PHYKPL: variants seen among roughly 807,000 people sequenced by gnomAD.
The protein encoded by PHYKPL is 5-phosphohydroxy-L-lysine phospho-lyase, also known as 5-phosphonooxy-L-lysine phospho-lyase.
PHYKPL carries 42 observed loss-of-function variants against 51.3 expected under a neutral mutation model. That is an observed-to-expected ratio of 0.82 (90% CI 0.64 to 1.06). The LOEUF (loss-of-function observed/expected upper bound fraction) is 1.06. Among genes scored for constraint, PHYKPL ranks in the 50% least tolerant of loss-of-function variants. The probability of loss-of-function intolerance (pLI) is 0.00; values close to 1 mark genes in which losing one functional copy is unlikely to be tolerated. For synonymous variants in PHYKPL, 264 were observed against 236.0 expected, an observed-to-expected ratio of 1.12 and a Z score of -1.09; for missense variants, 655 against 586.6, an observed-to-expected ratio of 1.12 and a Z score of -1.20.
intron 3 of PHYKPL, 184 bp from the exon 4 acceptor site, chr5:178,225,613 A>G (rs1762135072): frequency 4.9e-6 from 3 of 612,186 alleles, no homozygotes; most frequent in Non-Finnish European, 8.8e-6. Context: ...GGGGAAAAAG[A>G]GTAGGTAAAA....
At chr5:178,207,399 C>T (rs1048672863), downstream of PHYKPL, among the ~76,000 whole-genome samples, 3 of 152,158 alleles carry the variant, frequency 2.0e-5, no homozygotes, top group Admixed American at 1.3e-4. Context: ...TGAAAGACTT[C>T]TCAGGCTGGG....
chr5:178,229,666 A>C, intron 3 of PHYKPL: 1 of 330,308 alleles, frequency 3.0e-6, no homozygotes, highest in Non-Finnish European at 5.6e-6. Flanking sequence ...TTTTGGCTGT[A>C]TCCTTAAGGC....
At chr5:178,228,378 A>G (rs1359035471) in intron 3 of PHYKPL, 2 of 603,728 alleles carry the variant, frequency 3.3e-6, no homozygotes, top group East Asian at 2.8e-5. Context: ...TACTGCTGGG[A>G]CAGAGTAAGA....
rs773099428 is a variant in PHYKPL, at chr5:178,231,478, G to A, written c.105C>T (p.Val35=). The change falls in exon 2 of 13, where the codon GTC becomes GTT. Residue 35 remains valine (V), a synonymous_variant. Coordinates refer to ENST00000308158, the MANE Select transcript of PHYKPL (RefSeq NM_153373.4). Reference sequence around the variant, plus strand: ...CGTACATGTACTGCCCTTGGGCCCGGACAATCTTAACAGGATCCTCGGGAA... The same window carrying A: ...CGTACATGTACTGCCCTTGGGCCCGAACAATCTTAACAGGATCCTCGGGAA... ...LFFPEDPVKI[V]RAQGQYMYDE... 9.9e-6 allele frequency: 16 copies of A among 1,614,070 alleles called. No homozygotes were observed. In the Admixed American group the frequency reaches 1.5e-4, roughly 15 times the overall value.
chr5:178,210,960 AC>A, intron 12 of PHYKPL: 1 of 290,988 alleles, frequency 3.4e-6, no homozygotes, highest in Non-Finnish European at 6.4e-6. Flanking sequence ...ATCTTAGGAA[AC>A]CAGTGTCACC....
At chr5:178,220,037 T>C (rs938674889) in intron 8 of PHYKPL, among the ~76,000 whole-genome samples, 2 of 149,300 alleles carry the variant, frequency 1.3e-5, no homozygotes, top group African/African-American at 2.5e-5. Flanking sequence ...GTACCAAAAA[T>C]ACAAAAAATT....
chr5:178,217,515 A>G (rs1049847178), intron 8 of PHYKPL, among the ~76,000 whole-genome samples: 4 of 150,788 alleles, frequency 2.7e-5, no homozygotes, highest in African/African-American at 9.8e-5. Flanking sequence ...GAGCCACTGC[A>G]CCTGGCAACA....
intron 8 of PHYKPL, among the ~76,000 whole-genome samples, chr5:178,221,366 C>T (rs1179999712): frequency 7.2e-5 from 11 of 152,066 alleles, no homozygotes; most frequent in Non-Finnish European, 1.6e-4. Context: ...CAGCTCTTCA[C>T]CCACCTCTTG....
Position 178,230,113 on chromosome 5 carries a change from G to A in PHYKPL, c.179-14C>T, listed in dbSNP as rs369547762. 9.3e-6 allele frequency: 15 copies of A among 1,612,598 alleles called. No individual in the cohort carries two copies. In the Admixed American group the frequency reaches 1.5e-4, roughly 16 times the overall value. ...GGCAGTGCCCAACTGGAAGAGGGCC[G>A]CCTCCGTCACACGGCTGGCTCCACT... is the stretch of plus-strand genomic sequence containing the variant. On this transcript the variant is annotated splice_polypyrimidine_tract_variant and intron_variant, in intron 2 of 12. Coordinates refer to ENST00000308158, the MANE Select transcript of PHYKPL (RefSeq NM_153373.4).
At chr5:178,212,179 G>A (rs1162701874) in intron 11 of PHYKPL, among the ~76,000 whole-genome samples, 2 of 152,230 alleles carry the variant, frequency 1.3e-5, no homozygotes, top group African/African-American at 4.8e-5. Context: ...CTCTGTCCAG[G>A]ATCCCTAAGC....
downstream of PHYKPL, among the ~76,000 whole-genome samples, chr5:178,208,262 C>A (rs980321885): frequency 6.6e-6 from 1 of 152,144 alleles, no homozygotes; most frequent in African/African-American, 2.4e-5. Flanking sequence ...AGGTGGAACT[C>A]CTGGAAGTCT....
At chr5:178,212,488 C>T (rs562353417) in intron 11 of PHYKPL, among the ~76,000 whole-genome samples, 6 of 152,358 alleles carry the variant, frequency 3.9e-5, no homozygotes, top group South Asian at 2.1e-4. Flanking sequence ...GGGTTGACCA[C>T]GACCATCCTA....
intron 12 of PHYKPL, chr5:178,210,014 T>C: frequency 7.0e-7 from 1 of 1,427,592 alleles, no homozygotes; most frequent in Non-Finnish European, 9.5e-7. Context: ...AGCAGCCCCT[T>C]GGCTTCTGCC....
chr5:178,230,166 C>G (rs1763091414), intron 2 of PHYKPL, 67 bp from the exon 3 acceptor site: 2 of 1,593,572 alleles, frequency 1.3e-6, no homozygotes, highest in Non-Finnish European at 1.7e-6. Flanking sequence ...CCTCCCCCAG[C>G]CCCAAGCTAT....
rs1366457915 is a variant in PHYKPL, at chr5:178,229,908, C to T, written c.338+32G>A. The T allele has an allele frequency of 3.7e-6, 6 of 1,607,006 alleles. No individual in the cohort carries two copies. The South Asian group carries it at 6.6e-5, about 18-fold the overall frequency. ...TGACTGTCTTTGTTACCGTCTCACC[C>T]TCTTCCCGGGGGCTGGCCACAGTCC... On this transcript the variant is annotated intron_variant, in intron 3 of 12. Coordinates refer to ENST00000308158, the MANE Select transcript of PHYKPL (RefSeq NM_153373.4).
intron 8 of PHYKPL, 112 bp downstream of exon 8, chr5:178,222,243 G>C: frequency 1.1e-6 from 1 of 892,678 alleles, no homozygotes; most frequent in Non-Finnish European, 1.7e-6. Flanking sequence ...CGTCTTGGAA[G>C]CGTGTGCTGG....
downstream of PHYKPL, among the ~76,000 whole-genome samples, chr5:178,207,398 T>TGA (rs1757116284): frequency 6.6e-6 from 1 of 152,108 alleles, no homozygotes; most frequent in Non-Finnish European, 1.5e-5. Context: ...TTGAAAGACT[T>TGA]CTCAGGCTGG....
intron 8 of PHYKPL, among the ~76,000 whole-genome samples, chr5:178,220,372 G>T (rs1371471891): frequency 6.6e-6 from 1 of 151,878 alleles, no homozygotes; most frequent in Non-Finnish European, 1.5e-5. Context: ...GCGCATGCCT[G>T]TAATCCCAGC....
At chr5:178,231,667 G>A (rs1247197988) in intron 1 of PHYKPL, 144 bp from the exon 2 acceptor site, 2 of 1,582,574 alleles carry the variant, frequency 1.3e-6, no homozygotes, top group African/African-American at 1.3e-5. Flanking sequence ...CTGCTTCCCT[G>A]CCTTGTCTCT....
Sources: allele counts gnomAD v4.1 joint callset (sites outside exome capture counted in the v4.1 genomes callset), GRCh38; gene constraint gnomAD v4.1.1; transcripts MANE v1.5; gene names NCBI Gene and HGNC (gene_info 2026-07-23, HGNC 2026-07-21).